INTS11: variants seen among roughly 807,000 people sequenced by gnomAD.
INTS11 encodes integrator complex subunit 11.
A neutral mutation model predicts 78.6 loss-of-function variants in INTS11; 77 were observed. The observed-to-expected ratio is 0.98, with a 90% CI of 0.81 to 1.18. INTS11 has a LOEUF of 1.18. Among genes scored for constraint, INTS11 ranks in the 50% most tolerant of loss-of-function variants. The pLI, the probability that INTS11 is intolerant of heterozygous loss-of-function variation, is 0.00. For missense variants in INTS11, 875 were observed against 825.9 expected (o/e 1.06, Z -0.73); for synonymous variants, 441 against 326.9 (o/e 1.35, Z -3.77).
intron 1 of INTS11, chr1:1,321,898 T>TTCCC: frequency 9.6e-6 from 11 of 1,141,960 alleles, no homozygotes; most frequent in South Asian, 4.2e-5. Context: ...TCCCCTTGAA[T>TTCCC]CCCACCCACC....
intron 4 of INTS11, 45 bp downstream of exon 4, chr1:1,319,251 G>A: frequency 6.8e-7 from 1 of 1,481,268 alleles, no homozygotes; most frequent in East Asian, 2.3e-5. Context: ...TGGTTGGTGT[G>A]GGGGTGGGCA....
intron 3 of INTS11, 63 bp downstream of exon 3, chr1:1,320,393 C>T (rs925496182): frequency 1.3e-6 from 2 of 1,517,006 alleles, no homozygotes; most frequent in East Asian, 4.5e-5. Flanking sequence ...CGAGACCAAG[C>T]AAGGTGGCCC....
intron 3 of INTS11, 176 bp from the exon 4 acceptor site, chr1:1,319,700 C>G: frequency 1.7e-6 from 1 of 584,658 alleles, no homozygotes; most frequent in Non-Finnish European, 3.0e-6. Context: ...CTTTCAGTCT[C>G]AAAGTCTAGC....
chr1:1,320,933 C>T (rs764703695), intron 2 of INTS11, 63 bp downstream of exon 2: 15 of 1,430,224 alleles, frequency 1.0e-5, no homozygotes, highest in Non-Finnish European at 1.3e-5. Flanking sequence ...GCTCTGAGGC[C>T]CAGGGTCCAG....
intron 14 of INTS11, 31 bp from the exon 15 acceptor site, chr1:1,312,399 G>A: frequency 1.3e-6 from 2 of 1,565,484 alleles, no homozygotes; most frequent in South Asian, 1.2e-5. Context: ...AGTGAGCGCA[G>A]CAGCGGCCCT....
In INTS11 at chr1:1,312,207, G is replaced by GGGC. The variant is rs1570701697; in HGVS notation, c.1607+18_1607+19insGCC. On this transcript the variant is annotated intron_variant, in intron 15 of 16. Coordinates refer to ENST00000435064, the MANE Select transcript of INTS11 (RefSeq NM_017871.6). Reference sequence around the variant, plus strand: ...CCAGGGCCCAAGGGAGTGGGGGGGGGGCGGGGCCGGGCGCCCACCTCTTGA... The same window carrying GGGC: ...CCAGGGCCCAAGGGAGTGGGGGGGGGGGCGCGGGGCCGGGCGCCCACCTCTTGA... 1 of 1,151,088 alleles carries GGGC rather than the reference G, an allele frequency of 8.7e-7. No individual in the cohort carries two copies. Among genetic ancestry groups the GGGC allele is most frequent in the East Asian group, 2.7e-5 (1 of 36,742 alleles). 71.3% of individuals were successfully genotyped at this position (1,151,088 alleles called of 1,614,324 possible). A position where few individuals can be genotyped will look rare whatever the true frequency, so the allele number is the denominator to read the frequency against.
At chr1:1,315,018 G>A (rs1410429996) in intron 6 of INTS11, 56 bp from the exon 7 acceptor site, 3 of 1,589,640 alleles carry the variant, frequency 1.9e-6, no homozygotes, top group African/African-American at 1.3e-5. Context: ...CGGTTGCAGG[G>A]CTGGGTGTGA....
At chr1:1,321,686 T>G (rs987216861) in intron 1 of INTS11, among the ~76,000 whole-genome samples, 10 of 152,196 alleles carry the variant, frequency 6.6e-5, no homozygotes, top group African/African-American at 2.2e-4. Context: ...CTGCACACCA[T>G]GCAGCCCCCA....
chr1:1,315,170 G>A lies in INTS11; in HGVS notation c.564-208C>T, dbSNP rs181287914. ...ACCCACCCAGACACTTCGGAAGAGC[G>A]AGACAGAGGCACCCACCCAGAGACT... On this transcript the variant is annotated intron_variant, in intron 6 of 16. Coordinates refer to ENST00000435064, the MANE Select transcript of INTS11 (RefSeq NM_017871.6). 4.3e-5 allele frequency: 31 copies of A among 727,748 alleles called. No individual in the cohort carries two copies. The Middle Eastern group carries it at 1.2e-3, about 27-fold the overall frequency. 45.1% of individuals were successfully genotyped at this position (727,748 alleles called of 1,614,324 possible). A position where few individuals can be genotyped will look rare whatever the true frequency, so the allele number is the denominator to read the frequency against.
In INTS11 at chr1:1,314,591, AAGGAGCCTGGCC is replaced by A. The variant is rs1642461295; in HGVS notation, c.702+221_703-227del. 6.3e-6 allele frequency: 4 copies of A among 637,100 alleles called. No homozygotes were observed. In the East Asian group the frequency reaches 1.1e-4, roughly 18 times the overall value. The allele number at this position is 637,100 out of a possible 1,614,324, so 39.5% of individuals were successfully genotyped here. A position where few individuals can be genotyped will look rare whatever the true frequency, so the allele number is the denominator to read the frequency against. Reference sequence around the variant, plus strand: ...CAGAAGGGAGCTGCATGAGAGACAGAAGGAGCCTGGCCAGGGCTTCGTCCGCACCTGAGGTAG... The same window carrying A: ...CAGAAGGGAGCTGCATGAGAGACAGAAGGGCTTCGTCCGCACCTGAGGTAG... On this transcript the variant is annotated intron_variant, in intron 7 of 16. Coordinates refer to ENST00000435064, the MANE Select transcript of INTS11 (RefSeq NM_017871.6). The surrounding 1 kb of genome is among the most constrained non-coding windows in gnomAD (Gnocchi z 4.2).
At chr1:1,318,790 C>G (rs960507840) in intron 4 of INTS11, 4 of 555,082 alleles carry the variant, frequency 7.2e-6, no homozygotes, top group Non-Finnish European at 1.3e-5. Flanking sequence ...CCCAGAGATT[C>G]GAGTGAGACA....
intron 1 of INTS11, among the ~76,000 whole-genome samples, chr1:1,321,391 G>A (rs753732242): frequency 5.3e-5 from 8 of 151,972 alleles, no homozygotes; most frequent in Non-Finnish European, 7.4e-5. Context: ...CTGTGCTGTG[G>A]CCCTCAGCCT....
chr1:1,313,173 C>G, intron 10 of INTS11, 49 bp from the exon 11 acceptor site: 3 of 1,560,108 alleles, frequency 1.9e-6, no homozygotes, highest in Non-Finnish European at 2.6e-6. Flanking sequence ...GCCTTGGCAC[C>G]TCAAGGCCTT....
chr1:1,315,263 G>A (rs917017729), intron 6 of INTS11, 141 bp downstream of exon 6: 2 of 1,065,576 alleles, frequency 1.9e-6, no homozygotes, highest in African/African-American at 3.1e-5. Flanking sequence ...TTTGGGCCCA[G>A]AACGAAGGGG....
At chr1:1,319,573 T>C in intron 3 of INTS11, 49 bp from the exon 4 acceptor site, 1 of 1,360,466 alleles carries the variant, frequency 7.4e-7, no homozygotes. Context: ...GCCCCAGCCT[T>C]CACCCCCGCT....
In INTS11 at chr1:1,313,022, G is replaced by C. The variant is rs1642332262; in HGVS notation, c.1131+13C>G. On this transcript the variant is annotated intron_variant, in intron 11 of 16. Transcript: ENST00000435064. ...CCTCGGCCCTGCCAGCCCAGTGCGGGGTCGAGACTCACCACCTGCCGCCCC... is the reference window on the plus strand; with the variant it reads ...CCTCGGCCCTGCCAGCCCAGTGCGGCGTCGAGACTCACCACCTGCCGCCCC... The C allele has an allele frequency of 1.2e-6, 2 of 1,611,364 alleles. No homozygotes were observed. The highest frequency in any genetic ancestry group is 1.7e-6 in the Non-Finnish European group (2 of 1,179,794).
chr1:1,313,320 C>G, intron 10 of INTS11, 189 bp downstream of exon 10: 1 of 881,048 alleles, frequency 1.1e-6, no homozygotes, highest in Middle Eastern at 2.9e-4. Context: ...CTGTTCTGCC[C>G]GAGGTGGACA....
chr1:1,311,673 C>G lies in INTS11; in HGVS notation c.*186G>C, dbSNP rs1319324441. The G allele has an allele frequency of 2.8e-6, 2 of 721,750 alleles. No individual in the cohort carries two copies. Among genetic ancestry groups the G allele is most frequent in the African/African-American group, 1.7e-5 (1 of 57,390 alleles). The allele number at this position is 721,750 out of a possible 1,614,324, so 44.7% of individuals were successfully genotyped here. ...TAACCAGGAATAAAGGCAAGACAGC[C>G]TGGAGACCAGTTTGTTTCTTCAGCT... On this transcript the variant is annotated 3_prime_UTR_variant, in exon 17 of 17. Transcript: ENST00000435064.
Position 1,311,754 on chromosome 1 carries a change from A to T in INTS11, c.*105T>A, listed in dbSNP as rs1171027627. 8 of 1,149,240 alleles carry T rather than the reference A, an allele frequency of 7.0e-6. No individual in the cohort carries two copies. The highest frequency in any genetic ancestry group is 1.0e-5 in the Non-Finnish European group (8 of 795,144). The allele number at this position is 1,149,240 out of a possible 1,614,324, so 71.2% of individuals were successfully genotyped here. Reference sequence around the variant, plus strand: ...CAAGGCCTCTGTCCCCAGGGATGGGACCTGCAGGGTCTGTTCACCCAGGGC... The same window carrying T: ...CAAGGCCTCTGTCCCCAGGGATGGGTCCTGCAGGGTCTGTTCACCCAGGGC... On this transcript the variant is annotated 3_prime_UTR_variant, in exon 17 of 17. Transcript: ENST00000435064.
Sources: allele counts gnomAD v4.1 joint callset (sites outside exome capture counted in the v4.1 genomes callset), GRCh38; gene constraint gnomAD v4.1.1; non-coding constraint Gnocchi (gnomAD v3.1); transcripts MANE v1.5; gene names NCBI Gene and HGNC (gene_info 2026-07-23, HGNC 2026-07-21).